SPIDR: variants seen among roughly 807,000 people sequenced by gnomAD.
SPIDR encodes DNA repair-scaffolding protein.
Under a neutral mutation model 104.6 loss-of-function variants are expected in SPIDR, and 93 were observed. The observed-to-expected ratio is 0.89, with a 90% CI of 0.75 to 1.06. The LOEUF is 1.06. Among genes scored for constraint, SPIDR ranks in the 50% least tolerant of loss-of-function variants. SPIDR has a pLI of 0.00. For missense variants in SPIDR, 1,154 were observed against 1,111.2 expected (o/e 1.04, Z -0.55); for synonymous variants, 431 against 416.9 (o/e 1.03, Z -0.41).
intron 8 of SPIDR, among the ~76,000 whole-genome samples, chr8:47,562,113 T>C (rs2057159381): frequency 6.6e-6 from 1 of 152,228 alleles, no homozygotes; most frequent in Non-Finnish European, 1.5e-5. Context: ...CACATCCACT[T>C]ATAATAATTT....
intron 3 of SPIDR, among the ~76,000 whole-genome samples, chr8:47,289,046 G>C (rs2039411367): frequency 2.6e-5 from 4 of 152,050 alleles, no homozygotes; most frequent in Admixed American, 2.6e-4. Context: ...ATCTTACCCT[G>C]TCACTCGGGA....
chr8:47,541,796 G>A (rs139217708), intron 8 of SPIDR, among the ~76,000 whole-genome samples: 3,395 of 152,128 alleles, frequency 0.022, 130 homozygotes, highest in African/African-American at 0.077. Context: ...CTATTCGGGA[G>A]GCTGAGGTGG....
chr8:47,298,263 G>C (rs1293844786), intron 5 of SPIDR, among the ~76,000 whole-genome samples: 4 of 152,210 alleles, frequency 2.6e-5, no homozygotes, highest in East Asian at 3.8e-4. Context: ...CTTCTTTTGA[G>C]AAGTGTCTGT....
chr8:47,619,097 A>G (rs998544032), intron 10 of SPIDR, among the ~76,000 whole-genome samples: 7 of 152,212 alleles, frequency 4.6e-5, no homozygotes, highest in African/African-American at 1.7e-4. Context: ...ACCTGTGTTA[A>G]AAATTAGCCT....
At chr8:47,324,149 T>C (rs1663917604) in intron 5 of SPIDR, among the ~76,000 whole-genome samples, 1 of 152,178 alleles carries the variant, frequency 6.6e-6, no homozygotes, top group Non-Finnish European at 1.5e-5. Context: ...CCTCATTTAA[T>C]TCTTACCATT....
At chr8:47,337,604 T>G (rs2154271680) in intron 5 of SPIDR, among the ~76,000 whole-genome samples, 1 of 152,178 alleles carries the variant, frequency 6.6e-6, no homozygotes, top group East Asian at 1.9e-4. Flanking sequence ...AGTATGTTTT[T>G]GGTTGCTGCT....
intron 7 of SPIDR, among the ~76,000 whole-genome samples, chr8:47,408,188 A>G (rs1156548488): frequency 4.6e-5 from 7 of 152,306 alleles, no homozygotes; most frequent in Admixed American, 3.9e-4. Context: ...AATCTGTGCT[A>G]TAAATCTACC....
intron 7 of SPIDR, among the ~76,000 whole-genome samples, chr8:47,416,557 A>G (rs2064329387): frequency 6.6e-6 from 1 of 152,156 alleles, no homozygotes; most frequent in Non-Finnish European, 1.5e-5. Flanking sequence ...TGCGATTGTC[A>G]GGTGTTATGG....
intron 6 of SPIDR, among the ~76,000 whole-genome samples, chr8:47,406,728 T>A (rs1220530283): frequency 2.0e-5 from 3 of 152,190 alleles, no homozygotes; most frequent in African/African-American, 7.2e-5. Context: ...ATGGGCATTT[T>A]TTGAAGGTTT....
chr8:47,276,880 G>A (rs1218650846), intron 1 of SPIDR: 2 of 150,848 alleles, frequency 1.3e-5, no homozygotes, highest in African/African-American at 4.9e-5. Context: ...CCTTTTTACA[G>A]CTTCAAACCA....
chr8:47,448,603 A>G (rs1205936509), intron 8 of SPIDR, among the ~76,000 whole-genome samples: 1 of 152,114 alleles, frequency 6.6e-6, no homozygotes, highest in Non-Finnish European at 1.5e-5. Flanking sequence ...TGAGGAGGTA[A>G]GCACAGCCAG....
At chr8:47,443,127 GACTTTACA>G (rs2069776587) in intron 8 of SPIDR, among the ~76,000 whole-genome samples, 1 of 152,078 alleles carries the variant, frequency 6.6e-6, no homozygotes, top group Non-Finnish European at 1.5e-5. Flanking sequence ...TGACTCCTTA[GACTTTACA>G]AGTAAATGAG....
intron 5 of SPIDR, among the ~76,000 whole-genome samples, chr8:47,355,177 A>G (rs144410781): frequency 2.8e-4 from 42 of 151,670 alleles, no homozygotes; most frequent in Non-Finnish European, 5.4e-4. Context: ...CTGGTCACTA[A>G]ACTCCTGGCC....
At chr8:47,713,748 T>A in intron 16 of SPIDR, 107 bp downstream of exon 16, 1 of 1,415,912 alleles carries the variant, frequency 7.1e-7, no homozygotes. Context: ...CCCGCTAAGT[T>A]CCAGACACTG....
intron 5 of SPIDR, among the ~76,000 whole-genome samples, chr8:47,316,437 G>A (rs1456841997): frequency 6.6e-6 from 1 of 152,100 alleles, no homozygotes; most frequent in Non-Finnish European, 1.5e-5. Flanking sequence ...TTTATAATAG[G>A]CCGAAACTGG....
chr8:47,319,625 A>G (rs1047623701), intron 5 of SPIDR, among the ~76,000 whole-genome samples: 2 of 152,226 alleles, frequency 1.3e-5, no homozygotes, highest in Non-Finnish European at 2.9e-5. Context: ...CCTCCACCCC[A>G]AATGAACAGA....
intron 7 of SPIDR, among the ~76,000 whole-genome samples, chr8:47,410,543 G>A (rs1430897522): frequency 2.0e-5 from 3 of 151,754 alleles, no homozygotes; most frequent in Admixed American, 6.6e-5. Flanking sequence ...TTGTTTCTTG[G>A]CGTTTTTTTA....
rs558616197 is a variant in SPIDR at position 47,735,891 on chromosome 8, G to A, written c.*441G>A. On this transcript the variant is annotated 3_prime_UTR_variant, in exon 20 of 20. Transcript: ENST00000297423. ...TCCCATACTGTGATATTACTGTTCT[G>A]CTACAATAAATGTCAAACCTAAGCA... 4.4e-4 allele frequency: 119 copies of A among 268,614 alleles called. No individual in the cohort carries two copies. Among genetic ancestry groups the A allele is most frequent in the African/African-American group, 2.0e-3 (89 of 44,006 alleles). The allele number at this position is 268,614 out of a possible 1,614,324, so 16.6% of individuals were successfully genotyped here.
chr8:47,649,377 C>G (rs573797002), intron 10 of SPIDR, among the ~76,000 whole-genome samples: 154 of 152,132 alleles, frequency 1.0e-3, no homozygotes, highest in Non-Finnish European at 1.5e-3. Flanking sequence ...AATGAGGGTT[C>G]ATGCTGTACA....
Sources: gnomAD v4.1 joint callset for allele counts (sites outside exome capture counted in the v4.1 genomes callset) on GRCh38, gnomAD v4.1.1 for gene constraint, MANE v1.5 for transcripts, NCBI Gene and HGNC (gene_info 2026-07-23, HGNC 2026-07-21) for gene names.